Variants in REPS1 observed in about 807,000 individuals in gnomAD.
REPS1 encodes the protein ralBP1-associated Eps domain-containing protein 1.
REPS1 carries 39 observed loss-of-function variants against 100.9 expected under a neutral mutation model. The observed-to-expected ratio is 0.39, with a 90% CI of 0.30 to 0.50. REPS1 has a LOEUF of 0.50. Among genes scored for constraint, REPS1 ranks in the 20% least tolerant of loss-of-function variants. The pLI, the probability that REPS1 is intolerant of heterozygous loss-of-function variation, is 0.86. For synonymous variants in REPS1, 324 were observed against 340.3 expected, an observed-to-expected ratio of 0.95 and a Z score of 0.53; for missense variants, 821 against 968.5, an observed-to-expected ratio of 0.85 and a Z score of 2.02.
rs1027467836 is a variant in REPS1, at chr6:138,960,008, C to T, written c.154-12095G>A. On this transcript the variant is annotated intron_variant, in intron 1 of 19. Coordinates refer to ENST00000450536, the MANE Select transcript of REPS1 (RefSeq NM_001286611.2). Reference sequence around the variant, plus strand: ...CTAGACAGAACTTCAACCGTGCTTGCTTATGGAGTAGTAGTTTCAAAATGT... The same window carrying T: ...CTAGACAGAACTTCAACCGTGCTTGTTTATGGAGTAGTAGTTTCAAAATGT... Among the ~76,000 whole-genome samples the T allele has an allele frequency of 3.9e-4, 59 of 152,176 alleles. 1 individual carries two copies. The highest frequency in any genetic ancestry group is 3.8e-3 in the Admixed American group (58 of 15,276).
intron 1 of REPS1, among the ~76,000 whole-genome samples, 160 bp downstream of exon 1, chr6:138,987,370 G>A (rs960670887): frequency 1.3e-5 from 2 of 152,078 alleles, no homozygotes; most frequent in Admixed American, 6.5e-5. Flanking sequence ...GCCGCGGCGC[G>A]AGTCCAGGCC....
intron 1 of REPS1, among the ~76,000 whole-genome samples, chr6:138,985,894 C>T (rs558147799): frequency 6.6e-6 from 1 of 152,286 alleles, no homozygotes; most frequent in Admixed American, 6.5e-5. Flanking sequence ...TTTCTCACCT[C>T]AAAGACAAAC....
intron 8 of REPS1, among the ~76,000 whole-genome samples, chr6:138,930,618 C>T (rs1781430708): frequency 1.3e-5 from 2 of 152,018 alleles, no homozygotes; most frequent in South Asian, 4.1e-4. Flanking sequence ...GACACACATC[C>T]TTTTCATCAA....
At chr6:138,982,473 C>T (rs545013078) in intron 1 of REPS1, among the ~76,000 whole-genome samples, 49 of 152,254 alleles carry the variant, frequency 3.2e-4, no homozygotes, top group African/African-American at 1.1e-3. Flanking sequence ...TAAGACATTT[C>T]CCAAAACAGA....
intron 12 of REPS1, among the ~76,000 whole-genome samples, chr6:138,919,115 C>G (rs553309808): frequency 3.5e-4 from 54 of 152,230 alleles, no homozygotes; most frequent in Admixed American, 2.7e-3. Context: ...AAACCTACAG[C>G]TATCAGTTTT....
At chr6:138,919,574 AT>A (rs574034757) in intron 12 of REPS1, among the ~76,000 whole-genome samples, 99 of 152,284 alleles carry the variant, frequency 6.5e-4, no homozygotes, top group South Asian at 2.5e-3. Context: ...TTTGCCTGCT[AT>A]TCTAGTAAAA....
intron 8 of REPS1, among the ~76,000 whole-genome samples, chr6:138,936,633 A>C: frequency 7.4e-6 from 1 of 135,474 alleles, no homozygotes. Flanking sequence ...GGGGGGGGGT[A>C]GAGGTGGGAG....
chr6:138,916,833 C>A (rs1480079030), intron 13 of REPS1, among the ~76,000 whole-genome samples: 1 of 152,120 alleles, frequency 6.6e-6, no homozygotes, highest in East Asian at 1.9e-4. Flanking sequence ...CTCTGGTAAT[C>A]TGATCTGCAT....
At chr6:138,966,350 C>T (rs138744846) in intron 1 of REPS1, among the ~76,000 whole-genome samples, 2 of 152,196 alleles carry the variant, frequency 1.3e-5, no homozygotes, top group East Asian at 3.9e-4. Flanking sequence ...AAACCCATTC[C>T]ACTGTTAGGA....
At chr6:138,976,667 T>A (rs1037608796) in intron 1 of REPS1, among the ~76,000 whole-genome samples, 1 of 152,190 alleles carries the variant, frequency 6.6e-6, no homozygotes, top group African/African-American at 2.4e-5. Flanking sequence ...CCACCAAAGG[T>A]CAATAGATGG....
rs79730320 is a variant in REPS1 at position 138,979,656 on chromosome 6, T to C, written c.153+7874A>G. ...CTGACTACCCACCCCCTTGAAATACTTGCATTATTTGGCATCCACGACATG... is the reference window on the plus strand; with the variant it reads ...CTGACTACCCACCCCCTTGAAATACCTGCATTATTTGGCATCCACGACATG... On this transcript the variant is annotated intron_variant, in intron 1 of 19. Coordinates refer to ENST00000450536, the MANE Select transcript of REPS1 (RefSeq NM_001286611.2). Among the ~76,000 whole-genome samples, 59 of 152,278 alleles carry C rather than the reference T, an allele frequency of 3.9e-4. No homozygotes were observed. The East Asian group carries it at 9.8e-3, about 25-fold the overall frequency.
At chr6:138,955,244 T>C (rs1047446635) in intron 1 of REPS1, among the ~76,000 whole-genome samples, 3 of 152,034 alleles carry the variant, frequency 2.0e-5, no homozygotes, top group Non-Finnish European at 4.4e-5. Context: ...GAGGCCAGCA[T>C]TTCAAGATCA....
intron 16 of REPS1, 62 bp from the exon 17 acceptor site, chr6:138,911,433 G>A (rs1779997958): frequency 9.6e-7 from 1 of 1,037,870 alleles, no homozygotes. Context: ...CATAAATATA[G>A]AATATGTACC....
chr6:138,965,686 T>C (rs1340509386), intron 1 of REPS1, among the ~76,000 whole-genome samples: 1 of 152,174 alleles, frequency 6.6e-6, no homozygotes, highest in Non-Finnish European at 1.5e-5. Context: ...GTAAAACTCA[T>C]TGAAGATAAA....
rs1321989885 is a variant in REPS1, at chr6:138,941,361, T to G, written c.1109A>C (p.Lys370Thr). Residue 370 changes from lysine to threonine, a missense_variant, in exon 8 of 20, where the codon AAA (lysine) becomes ACA (threonine). Physicochemically the swap from Lys to Thr is moderately conservative, Grantham distance 78. Transcript: ENST00000450536. Reference sequence around the variant, plus strand: ...TGCTGAATCTTCCAAATCAATCAGTTTGGGCATTAAGCTTTCAGGAAGTTT... The same window carrying G: ...TGCTGAATCTTCCAAATCAATCAGTGTGGGCATTAAGCTTTCAGGAAGTTT... The part of the protein sequence containing the change: ...PEKLPESLMP[K>T]LIDLEDSADV... 1 of 1,614,084 alleles carries G rather than the reference T, an allele frequency of 6.2e-7. No homozygotes were observed.
intron 1 of REPS1, among the ~76,000 whole-genome samples, chr6:138,949,665 G>A (rs1403465308): frequency 1.3e-5 from 2 of 151,900 alleles, no homozygotes; most frequent in Non-Finnish European, 2.9e-5. Context: ...GATGGAGGTT[G>A]CAGTGAGCCG....
At position 138,967,704 on chromosome 6, in the gene REPS1, T is replaced by G. The variant is rs143354959; in HGVS notation, c.154-19791A>C. ...CATATACAAACATCACTAAACACAC[T>G]CCATCCCCAACACATGATAAGAACA... On this transcript the variant is annotated intron_variant, in intron 1 of 19. Coordinates refer to ENST00000450536, the MANE Select transcript of REPS1 (RefSeq NM_001286611.2). Among the ~76,000 whole-genome samples, 15 of 152,046 alleles carry G rather than the reference T, an allele frequency of 9.9e-5. No homozygotes were observed. In the East Asian group the frequency reaches 2.9e-3, roughly 29 times the overall value.
chr6:138,918,280 G>A (rs1780537749), intron 12 of REPS1, among the ~76,000 whole-genome samples: 1 of 152,082 alleles, frequency 6.6e-6, no homozygotes, highest in Non-Finnish European at 1.5e-5. Context: ...ATTGTATTAA[G>A]TATTATAAGA....
intron 1 of REPS1, among the ~76,000 whole-genome samples, chr6:138,979,005 A>G (rs1582864425): frequency 6.6e-6 from 1 of 151,928 alleles, no homozygotes; most frequent in East Asian, 1.9e-4. Flanking sequence ...ACATGGTGAA[A>G]CCCTGTCTCT....
Sources: gnomAD v4.1 joint callset for allele counts (sites outside exome capture counted in the v4.1 genomes callset) on GRCh38, gnomAD v4.1.1 for gene constraint, MANE v1.5 for transcripts, NCBI Gene and HGNC (gene_info 2026-07-23, HGNC 2026-07-21) for gene names.